Variants in GABRG3 observed in about 807,000 individuals in gnomAD.
The protein encoded by GABRG3 is gamma-aminobutyric acid receptor subunit gamma-3.
Under a neutral mutation model 48.8 loss-of-function variants are expected in GABRG3, and 25 were observed. That is an observed-to-expected ratio of 0.51 (90% CI 0.37 to 0.72). The LOEUF is 0.72. GABRG3 is among the 30% of genes least tolerant of loss of function. GABRG3 has a pLI of 0.00. For missense variants in GABRG3, 394 were observed against 577.9 expected (o/e 0.68, Z 3.26); for synonymous variants, 227 against 217.6 (o/e 1.04, Z -0.38).
chr15:27,171,523 T>TATATATATAC (rs751842058), intron 3 of GABRG3, among the ~76,000 whole-genome samples: 60 of 147,078 alleles, frequency 4.1e-4, no homozygotes, highest in South Asian at 6.4e-4. Flanking sequence ...TATATATATA[T>TATATATATAC]ACATATACAG....
At chr15:27,052,074 C>G (rs1027874127) in intron 3 of GABRG3, among the ~76,000 whole-genome samples, 1 of 152,216 alleles carries the variant, frequency 6.6e-6, no homozygotes, top group Non-Finnish European at 1.5e-5. Flanking sequence ...CGCCTCTCAC[C>G]TCCTGCTGTG....
Position 27,328,859 on chromosome 15 carries a change from A to G in GABRG3, c.545A>G (p.Glu182Gly). Residue 182 changes from glutamate to glycine, a missense_variant, in exon 5 of 10, where the codon GAA (glutamate) becomes GGA (glycine). This residue lies in a region of GABRG3 where 218 missense variants were observed against 309.9 expected (regional missense o/e 0.70). Coordinates refer to ENST00000615808, the MANE Select transcript of GABRG3 (RefSeq NM_033223.5). ...CAGCTGCACAACTTCCCCATGGACG[A>G]ACACTCCTGCCCGCTGATTTTCTCC... is the stretch of plus-strand genomic sequence containing the variant. Reference protein sequence around the residue: ...QLQLHNFPMDEHSCPLIFSSY... With the variant: ...QLQLHNFPMDGHSCPLIFSSY... 6.2e-6 allele frequency: 10 copies of G among 1,614,024 alleles called. No homozygotes were observed. The highest frequency in any genetic ancestry group is 7.6e-6 in the Non-Finnish European group (9 of 1,179,902).
At chr15:27,383,640 C>T (rs1000299590) in intron 5 of GABRG3, among the ~76,000 whole-genome samples, 3 of 151,850 alleles carry the variant, frequency 2.0e-5, no homozygotes, top group African/African-American at 7.3e-5. Flanking sequence ...GAACATGGGT[C>T]ACCTAGTGTT....
intron 3 of GABRG3, among the ~76,000 whole-genome samples, chr15:27,108,111 C>A (rs1424412403): frequency 6.6e-6 from 1 of 151,578 alleles, no homozygotes; most frequent in African/African-American, 2.4e-5. Flanking sequence ...TTGTTTTAGG[C>A]CTAATTTTCT....
intron 5 of GABRG3, among the ~76,000 whole-genome samples, chr15:27,417,563 A>G (rs927451736): frequency 6.6e-6 from 1 of 152,072 alleles, no homozygotes; most frequent in African/African-American, 2.4e-5. Context: ...AGGTGCCCTC[A>G]GGTCCACAGC....
chr15:27,410,816 AAGAG>A (rs561499878), intron 5 of GABRG3, among the ~76,000 whole-genome samples: 29 of 145,736 alleles, frequency 2.0e-4, no homozygotes, highest in East Asian at 1.0e-3. Context: ...AGGTTGGTGA[AAGAG>A]AGAGAGAGCA....
intron 5 of GABRG3, among the ~76,000 whole-genome samples, chr15:27,429,679 T>A (rs1187434469): frequency 6.6e-6 from 1 of 152,222 alleles, no homozygotes; most frequent in Non-Finnish European, 1.5e-5. Context: ...TGGCCTTTTG[T>A]GACTGACCTC....
chr15:27,091,070 C>T (rs186855423), intron 3 of GABRG3, among the ~76,000 whole-genome samples: 1 of 152,260 alleles, frequency 6.6e-6, no homozygotes, highest in Non-Finnish European at 1.5e-5. Context: ...TGTCTCGTTC[C>T]TGTTCTTAAG....
chr15:27,106,077 G>A (rs147039476), intron 3 of GABRG3, among the ~76,000 whole-genome samples: 1 of 152,044 alleles, frequency 6.6e-6, no homozygotes, highest in Admixed American at 6.5e-5. Context: ...TATAAAGTCC[G>A]TCAACTATAC....
chr15:27,437,063 T>C (rs1888640164), intron 5 of GABRG3, among the ~76,000 whole-genome samples: 1 of 144,726 alleles, frequency 6.9e-6, no homozygotes, highest in Non-Finnish European at 1.5e-5. Flanking sequence ...ACATCAGCAG[T>C]GATATTTGTT....
chr15:27,201,353 C>CGTGTGTGTGT (rs376315853), intron 3 of GABRG3, among the ~76,000 whole-genome samples: 32 of 144,150 alleles, frequency 2.2e-4, no homozygotes, highest in African/African-American at 8.0e-4. Context: ...GTGAGGGGTG[C>CGTGTGTGTGT]GTGTGTGTGT....
rs373392214 is a variant in GABRG3, at chr15:27,046,175, C to G, written c.270+19354C>G. 1.6e-4 allele frequency among the ~76,000 whole-genome samples: 24 copies of G among 152,234 alleles called. No individual in the cohort carries two copies. The South Asian group carries it at 3.5e-3, about 22-fold the overall frequency. On this transcript the variant is annotated intron_variant, in intron 3 of 9. Coordinates refer to ENST00000615808, the MANE Select transcript of GABRG3 (RefSeq NM_033223.5). Reference sequence around the variant, plus strand: ...ATGGCACGATCTCAGCTCACCGCAACGTCCGTCTCCGGGGTTCAAGTGATT... The same window carrying G: ...ATGGCACGATCTCAGCTCACCGCAAGGTCCGTCTCCGGGGTTCAAGTGATT...
At chr15:27,390,070 A>T (rs1432236776) in intron 5 of GABRG3, among the ~76,000 whole-genome samples, 1 of 152,236 alleles carries the variant, frequency 6.6e-6, no homozygotes, top group Non-Finnish European at 1.5e-5. Flanking sequence ...TGATGCTCCA[A>T]GTGAGATGTT....
Position 27,540,982 on chromosome 15 carries a change from G to A in GABRG3, c.*8101G>A, listed in dbSNP as rs544904534. The A allele has an allele frequency of 2.0e-5, 3 of 152,232 alleles. No homozygotes were observed. Among genetic ancestry groups the A allele is most frequent in the African/African-American group, 7.2e-5 (3 of 41,456 alleles). 9.4% of individuals were successfully genotyped at this position (152,232 alleles called of 1,614,324 possible). ...GTATTAGCACTAAGCCTCTGGTTAG[G>A]ATAAAAAGGAGCAAGGGAGAGGGAG... is the stretch of plus-strand genomic sequence containing the variant. On this transcript the variant is annotated 3_prime_UTR_variant, in exon 10 of 10. Coordinates refer to ENST00000615808, the MANE Select transcript of GABRG3 (RefSeq NM_033223.5).
chr15:27,277,499 CT>C (rs1178753017), intron 3 of GABRG3, among the ~76,000 whole-genome samples: 1 of 152,256 alleles, frequency 6.6e-6, no homozygotes, highest in East Asian at 1.9e-4. Flanking sequence ...TCAATGATGC[CT>C]AACTGGAGGA....
At chr15:27,341,976 G>T (rs920053588) in intron 5 of GABRG3, among the ~76,000 whole-genome samples, 7 of 152,224 alleles carry the variant, frequency 4.6e-5, no homozygotes, top group Non-Finnish European at 1.0e-4. Context: ...TGAGAATGTT[G>T]CCTGGCTTTC....
chr15:27,294,205 C>A (rs184409636), intron 3 of GABRG3, among the ~76,000 whole-genome samples: 1 of 151,218 alleles, frequency 6.6e-6, no homozygotes, highest in Non-Finnish European at 1.5e-5. Context: ...TATCCTGCTA[C>A]CTTTTCTTTT....
At chr15:27,384,801 A>G (rs952609701) in intron 5 of GABRG3, among the ~76,000 whole-genome samples, 1 of 152,180 alleles carries the variant, frequency 6.6e-6, no homozygotes, top group East Asian at 1.9e-4. Context: ...AACTTTCAAT[A>G]TGTGGTATTT....
chr15:27,200,159 G>T (rs889072451), intron 3 of GABRG3, among the ~76,000 whole-genome samples: 25 of 152,130 alleles, frequency 1.6e-4, no homozygotes. Context: ...CTGCTCTGTG[G>T]CCACTAAAAG....
Sources: allele counts gnomAD v4.1 joint callset (sites outside exome capture counted in the v4.1 genomes callset), GRCh38; gene constraint gnomAD v4.1.1; regional missense constraint gnomAD v4.1.1; transcripts MANE v1.5; gene names NCBI Gene and HGNC (gene_info 2026-07-23, HGNC 2026-07-21).